The following STEAP1B variants were observed in gnomAD, a reference collection of about 807,000 sequenced individuals.
STEAP1B encodes STEAP family protein MGC87042.
In STEAP1B, 13 loss-of-function variants were observed where a neutral mutation model predicts 27.9. The ratio of observed to expected loss-of-function variants is 0.47; its 90% CI spans 0.30 to 0.74. The LOEUF is 0.74. Ranked by LOEUF, STEAP1B falls within the 30% of genes least tolerant of loss-of-function variation. The pLI is 0.06. For missense variants in STEAP1B, 250 were observed against 298.7 expected (o/e 0.84, Z 1.20); for synonymous variants, 86 against 107.1 (o/e 0.80, Z 1.22).
intron 4 of STEAP1B, among the ~76,000 whole-genome samples, chr7:22,456,286 G>A (rs114361812): frequency 3.8e-3 from 582 of 152,314 alleles, no homozygotes; most frequent in Non-Finnish European, 5.5e-3. Context: ...GTTAGAATCA[G>A]ATTGTCTTCC....
intron 4 of STEAP1B, among the ~76,000 whole-genome samples, chr7:22,429,698 A>AT (rs1447219233): frequency 1.3e-5 from 2 of 152,184 alleles, no homozygotes; most frequent in Non-Finnish European, 2.9e-5. Flanking sequence ...TGAATTGTTT[A>AT]TTTTTTTAAA....
chr7:22,476,928 C>T (rs1002495946), intron 4 of STEAP1B, among the ~76,000 whole-genome samples: 1 of 152,150 alleles, frequency 6.6e-6, no homozygotes, highest in Non-Finnish European at 1.5e-5. Context: ...GGGTGCTGAC[C>T]TTTTGCTGGC....
chr7:22,460,557 C>T (rs1785661101), intron 4 of STEAP1B, among the ~76,000 whole-genome samples: 1 of 152,126 alleles, frequency 6.6e-6, no homozygotes, highest in Non-Finnish European at 1.5e-5. Flanking sequence ...GGCCTGGTGG[C>T]CTGGACATGC....
At chr7:22,449,712 A>T (rs1017361283) in intron 4 of STEAP1B, among the ~76,000 whole-genome samples, 1 of 152,194 alleles carries the variant, frequency 6.6e-6, no homozygotes, top group African/African-American at 2.4e-5. Context: ...TTTTTTGAGG[A>T]ATCTCCAAAC....
intron 4 of STEAP1B, among the ~76,000 whole-genome samples, chr7:22,452,464 AAAG>A (rs1392605946): frequency 1.3e-5 from 2 of 152,094 alleles, no homozygotes; most frequent in East Asian, 1.9e-4. Flanking sequence ...CCCGCCGGTC[AAAG>A]AAGAGCCGGT....
intron 4 of STEAP1B, among the ~76,000 whole-genome samples, chr7:22,432,955 C>T (rs1007369076): frequency 4.6e-5 from 7 of 152,284 alleles, no homozygotes; most frequent in Admixed American, 2.0e-4. Context: ...GCTTCATGAG[C>T]TCAACCTCAG....
chr7:22,461,335 T>A (rs1418468017), intron 4 of STEAP1B, among the ~76,000 whole-genome samples: 2 of 152,228 alleles, frequency 1.3e-5, no homozygotes, highest in Non-Finnish European at 2.9e-5. Context: ...TGATCTCGGC[T>A]CACTGCAACC....
rs141990523 is a variant in STEAP1B, at chr7:22,456,826, A to C, written c.762+35739T>G. 6.5e-3 allele frequency among the ~76,000 whole-genome samples: 985 copies of C among 150,928 alleles called. 3 individuals carry two copies. The highest frequency in any genetic ancestry group is 0.031 in the Middle Eastern group (9 of 294). On this transcript the variant is annotated intron_variant, in intron 4 of 4. Transcript: ENST00000678116. ...ACAGGGATGGCTAGCTAGGAGAGAG[A>C]GCAAAGCAGAGGGTAGCAGCCAATC... is the stretch of plus-strand genomic sequence containing the variant.
chr7:22,446,403 T>A (rs1785409905), intron 4 of STEAP1B, among the ~76,000 whole-genome samples: 1 of 152,176 alleles, frequency 6.6e-6, no homozygotes, highest in African/African-American at 2.4e-5. Flanking sequence ...CCACAGGAAA[T>A]TTGTTAGAAA....
At chr7:22,424,645 T>C (rs1387431892) in intron 4 of STEAP1B, among the ~76,000 whole-genome samples, 6 of 152,094 alleles carry the variant, frequency 3.9e-5, no homozygotes, top group African/African-American at 1.4e-4. Flanking sequence ...ATAATTCCAC[T>C]AGCTTAAGAA....
At position 22,456,952 on chromosome 7, in the gene STEAP1B, C is replaced by CTA. The variant is rs199847360; in HGVS notation, c.762+35611_762+35612dup. On this transcript the variant is annotated intron_variant, in intron 4 of 4. Coordinates refer to ENST00000678116, the MANE Select transcript of STEAP1B (RefSeq NM_001382447.1). ...TTCAGAATGGGGGTGGGATAGGCAGCTATATATATATATATATATATTTTT... is the reference window on the plus strand; with the variant it reads ...TTCAGAATGGGGGTGGGATAGGCAGCTATATATATATATATATATATATTTTT... Among the ~76,000 whole-genome samples, 33 of 73,288 alleles carry CTA rather than the reference C, an allele frequency of 4.5e-4. 3 individuals carry two copies. The highest frequency in any genetic ancestry group is 9.7e-4 in the African/African-American group (19 of 19,496). 48.1% of individuals were successfully genotyped at this position (73,288 alleles called of 152,430 possible).
chr7:22,499,141 C>A (rs1344792281), intron 1 of STEAP1B, among the ~76,000 whole-genome samples: 1 of 152,154 alleles, frequency 6.6e-6, no homozygotes, highest in African/African-American at 2.4e-5. Context: ...TCTCTTTCAC[C>A]CGCTTTTAAA....
rs150559737 is a variant in STEAP1B, at chr7:22,438,601, A to G, written c.763-18765T>C. The G allele has an allele frequency of 4.0e-4, 625 of 1,552,228 alleles. 12 individuals carry two copies. The East Asian group carries it at 0.014, about 35-fold the overall frequency. On this transcript the variant is annotated intron_variant, in intron 4 of 4. Transcript: ENST00000678116. ...CTTTGAAGGGCTGGCTGCTGATAAA[A>G]TGAAGTATATATAACTCCTAGTCTT...
chr7:22,442,475 A>G (rs763228969), intron 4 of STEAP1B, among the ~76,000 whole-genome samples: 1 of 152,274 alleles, frequency 6.6e-6, no homozygotes, highest in Non-Finnish European at 1.5e-5. Flanking sequence ...CCCTGACGGC[A>G]GGCCTGGCCT....
chr7:22,471,275 G>A (rs1203780022), intron 4 of STEAP1B, among the ~76,000 whole-genome samples: 1 of 152,166 alleles, frequency 6.6e-6, no homozygotes, highest in Non-Finnish European at 1.5e-5. Context: ...AGAATTCTGA[G>A]GAAAGTGACG....
intron 4 of STEAP1B, among the ~76,000 whole-genome samples, chr7:22,473,641 A>G (rs186626161): frequency 6.6e-6 from 1 of 152,312 alleles, no homozygotes; most frequent in African/African-American, 2.4e-5. Context: ...CTGGTCTCCA[A>G]CCCCAGAGAC....
At chr7:22,484,362 T>G (rs1337440927) in intron 4 of STEAP1B, among the ~76,000 whole-genome samples, 1 of 152,232 alleles carries the variant, frequency 6.6e-6, no homozygotes, top group African/African-American at 2.4e-5. Flanking sequence ...TTCAGAATTA[T>G]GCTAAATCTA....
chr7:22,457,483 CA>C (rs1289902790), intron 4 of STEAP1B, among the ~76,000 whole-genome samples: 6 of 152,132 alleles, frequency 3.9e-5, no homozygotes, highest in Non-Finnish European at 8.8e-5. Flanking sequence ...CCTTTAGTGC[CA>C]AGGCTAGGAG....
At chr7:22,492,087 C>T (rs1490394704) in intron 4 of STEAP1B, among the ~76,000 whole-genome samples, 5 of 151,670 alleles carry the variant, frequency 3.3e-5, no homozygotes, top group Non-Finnish European at 7.4e-5. Flanking sequence ...TTTGGGAGGC[C>T]GAGGCGGGCA....
Sources: allele counts gnomAD v4.1 joint callset (sites outside exome capture counted in the v4.1 genomes callset), GRCh38; gene constraint gnomAD v4.1.1; transcripts MANE v1.5; gene names NCBI Gene and HGNC (gene_info 2026-07-23, HGNC 2026-07-21).